The following ARHGAP28 variants were observed in gnomAD, a reference collection of about 807,000 sequenced individuals.
ARHGAP28 encodes the protein rho GTPase-activating protein 28.
A neutral mutation model predicts 90.7 loss-of-function variants in ARHGAP28; 56 were observed. The observed-to-expected ratio is 0.62, with a 90% CI of 0.50 to 0.77. ARHGAP28 has a LOEUF of 0.77. Among genes scored for constraint, ARHGAP28 ranks in the 30% least tolerant of loss-of-function variants. ARHGAP28 has a pLI of 0.00. For missense variants in ARHGAP28, 869 were observed against 900.9 expected (o/e 0.96, Z 0.45); for synonymous variants, 308 against 323.3 (o/e 0.95, Z 0.51).
chr18:6,793,382 A>T (rs2056419671), intron 1 of ARHGAP28, among the ~76,000 whole-genome samples: 1 of 152,114 alleles, frequency 6.6e-6, no homozygotes, highest in Non-Finnish European at 1.5e-5. Flanking sequence ...CGCTGTTCTT[A>T]TGTGTACCTC....
intron 1 of ARHGAP28, among the ~76,000 whole-genome samples, chr18:6,815,696 T>C (rs977264338): frequency 6.6e-6 from 1 of 152,126 alleles, no homozygotes; most frequent in South Asian, 2.1e-4. Context: ...CACACACACA[T>C]ATATAATTTA....
At chr18:6,901,141 G>A (rs905787371) in intron 16 of ARHGAP28, among the ~76,000 whole-genome samples, 19 of 152,130 alleles carry the variant, frequency 1.2e-4, no homozygotes, top group African/African-American at 4.6e-4. Context: ...GATGACTGAA[G>A]GAAGTTCTTA....
At chr18:6,908,795 A>G (rs1037415441) in intron 16 of ARHGAP28, among the ~76,000 whole-genome samples, 165 bp from the exon 17 acceptor site, 3 of 152,214 alleles carry the variant, frequency 2.0e-5, no homozygotes, top group South Asian at 2.1e-4. Flanking sequence ...TCTGTGTCAG[A>G]CGGAAAAACA....
At position 6,841,166 on chromosome 18, in the gene ARHGAP28, TCCTCTCTCTCTCTC is replaced by T. The variant is rs769171742; in HGVS notation, c.543+3754_543+3767del. Reference sequence around the variant, plus strand: ...ACTGTCTCTCTCCTCTTTCTCTCTCTCCTCTCTCTCTCTCCTCTCTCTCTCTCTCTCTCTCTCCT... The same window carrying T: ...ACTGTCTCTCTCCTCTTTCTCTCTCTCTCTCTCTCTCTCTCTCTCTCTCCT... On this transcript the variant is annotated intron_variant, in intron 3 of 17. Coordinates refer to ENST00000383472, the MANE Select transcript of ARHGAP28 (RefSeq NM_001366230.1). Among the ~76,000 whole-genome samples the T allele has an allele frequency of 2.0e-3, 172 of 86,898 alleles. 1 individual carries two copies. The highest frequency in any genetic ancestry group is 3.4e-3 in the South Asian group (9 of 2,626). The allele number at this position is 86,898 out of a possible 152,430, so 57.0% of individuals were successfully genotyped here.
intron 1 of ARHGAP28, among the ~76,000 whole-genome samples, chr18:6,740,950 G>T (rs1362908872): frequency 6.6e-6 from 1 of 152,210 alleles, no homozygotes; most frequent in Non-Finnish European, 1.5e-5. Flanking sequence ...TGGGTTCGGG[G>T]AAGCAGGAAG....
chr18:6,873,330 G>A, intron 7 of ARHGAP28, 79 bp from the exon 8 acceptor site: 1 of 1,205,708 alleles, frequency 8.3e-7, no homozygotes, highest in African/African-American at 1.5e-5. Flanking sequence ...TAGATTTAGA[G>A]TGTCCAGGTG....
At chr18:6,855,540 C>T (rs1309231767) in intron 4 of ARHGAP28, among the ~76,000 whole-genome samples, 3 of 152,252 alleles carry the variant, frequency 2.0e-5, no homozygotes, top group East Asian at 3.9e-4. Context: ...TCCCATTGTC[C>T]GTGTACCTCA....
intron 17 of ARHGAP28, among the ~76,000 whole-genome samples, chr18:6,911,048 A>G (rs1337338913): frequency 6.6e-6 from 1 of 151,930 alleles, no homozygotes; most frequent in Non-Finnish European, 1.5e-5. Context: ...GTTTGCCAGG[A>G]TGGTCCCGAT....
intron 17 of ARHGAP28, among the ~76,000 whole-genome samples, chr18:6,910,529 C>G (rs559122433): frequency 3.3e-5 from 5 of 152,194 alleles, no homozygotes; most frequent in South Asian, 2.1e-4. Flanking sequence ...TGCCCTCCCC[C>G]CAGACAGCCT....
At chr18:6,742,169 CTTTTTTT>C (rs554288921) in intron 1 of ARHGAP28, among the ~76,000 whole-genome samples, 2 of 138,748 alleles carry the variant, frequency 1.4e-5, no homozygotes, top group African/African-American at 5.3e-5. Context: ...TTTTCTTTTT[CTTTTTTT>C]TTTTTTTGAC....
chr18:6,747,734 A>C (rs1358215966), intron 1 of ARHGAP28, among the ~76,000 whole-genome samples: 1 of 152,222 alleles, frequency 6.6e-6, no homozygotes, highest in Non-Finnish European at 1.5e-5. Context: ...GAAGTAGCTG[A>C]TTTAATAGCT....
chr18:6,864,323 C>T (rs2057021616), intron 5 of ARHGAP28, among the ~76,000 whole-genome samples: 1 of 152,182 alleles, frequency 6.6e-6, no homozygotes, highest in Non-Finnish European at 1.5e-5. Flanking sequence ...CTCGGCCTCC[C>T]AAAGTGCTGG....
intron 1 of ARHGAP28, among the ~76,000 whole-genome samples, chr18:6,801,324 ATG>A (rs2143626428): frequency 6.6e-6 from 1 of 152,248 alleles, no homozygotes; most frequent in African/African-American, 2.4e-5. Context: ...TTAACAACAT[ATG>A]TGTTAGTGTA....
chr18:6,853,542 G>A (rs1369925375), intron 4 of ARHGAP28, among the ~76,000 whole-genome samples: 2 of 150,654 alleles, frequency 1.3e-5, no homozygotes, highest in Non-Finnish European at 2.9e-5. Flanking sequence ...ACGTGATCTC[G>A]GCTAACTGCA....
chr18:6,849,339 A>G (rs1450637934), intron 3 of ARHGAP28, among the ~76,000 whole-genome samples: 1 of 151,858 alleles, frequency 6.6e-6, no homozygotes, highest in Non-Finnish European at 1.5e-5. Flanking sequence ...AGAAGAGAAC[A>G]CTGAAGTTAT....
chr18:6,824,629 A>G (rs1479555053), intron 1 of ARHGAP28, 133 bp from the exon 2 acceptor site: 13 of 749,090 alleles, frequency 1.7e-5, no homozygotes, highest in East Asian at 2.8e-5. Flanking sequence ...CCTCAAACCT[A>G]TCTCAACCAT....
intron 1 of ARHGAP28, among the ~76,000 whole-genome samples, chr18:6,765,671 C>T (rs1048009912): frequency 2.6e-5 from 4 of 151,982 alleles, no homozygotes; most frequent in African/African-American, 9.7e-5. Flanking sequence ...ATTTAATGCT[C>T]TTCTTTTAAT....
intron 1 of ARHGAP28, among the ~76,000 whole-genome samples, chr18:6,801,171 T>C (rs1042848702): frequency 6.6e-5 from 10 of 152,232 alleles, no homozygotes; most frequent in Non-Finnish European, 1.3e-4. Flanking sequence ...GAGTTCATTT[T>C]TGTATATGGT....
chr18:6,904,456 C>A lies in ARHGAP28; in HGVS notation c.2031-4504C>A, dbSNP rs923297199. Among the ~76,000 whole-genome samples the A allele has an allele frequency of 1.3e-3, 194 of 152,070 alleles. 1 individual carries two copies. Among genetic ancestry groups the A allele is most frequent in the African/African-American group, 4.4e-3 (181 of 41,502 alleles). On this transcript the variant is annotated intron_variant, in intron 16 of 17. Transcript: ENST00000383472. ...TATGTGGGATGCAGCTAAAGCTGTG[C>A]TGAGAGAAGAATTTATAGCAGTAAA...
Sources: gnomAD v4.1 joint callset for allele counts (sites outside exome capture counted in the v4.1 genomes callset) on GRCh38, gnomAD v4.1.1 for gene constraint, MANE v1.5 for transcripts, NCBI Gene and HGNC (gene_info 2026-07-23, HGNC 2026-07-21) for gene names.